Variants in GRIN2C observed in about 807,000 individuals in gnomAD.
The protein encoded by GRIN2C is glutamate ionotropic receptor NMDA type subunit 2C, also known as glutamate receptor ionotropic, NMDA 2C.
A neutral mutation model predicts 77.7 loss-of-function variants in GRIN2C; 64 were observed. That is an observed-to-expected ratio of 0.82 (90% CI 0.67 to 1.01). The LOEUF (loss-of-function observed/expected upper bound fraction) is 1.01. Among genes scored for constraint, GRIN2C ranks in the 50% least tolerant of loss-of-function variants. The probability of loss-of-function intolerance (pLI) is 0.00; values close to 1 mark genes in which losing one functional copy is unlikely to be tolerated. For synonymous variants in GRIN2C, 792 were observed against 643.4 expected (o/e 1.23, Z -3.49); for missense variants, 1,549 against 1,486.0 (o/e 1.04, Z -0.70).
In GRIN2C at chr17:74,842,783, C is replaced by T. The variant is rs980440970; in HGVS notation, c.3354G>A (p.Ala1118=). ...PDGHSACRRL[A]QAQSMCLPIY... is the part of the protein sequence containing the mutation. ...TCGGCAAGCACATCGACTGCGCCTG[C>T]GCCAAGCGCCTGCAGGCCGAGTGGC... Residue 1118 remains alanine (A), a synonymous_variant, in exon 13 of 13, where the codon GCG becomes GCA. Coordinates refer to ENST00000293190, the MANE Select transcript of GRIN2C (RefSeq NM_000835.6). 1.5e-6 allele frequency: 1 copy of T among 656,582 alleles called. No individual in the cohort carries two copies. The highest frequency in any genetic ancestry group is 2.7e-6 in the Non-Finnish European group (1 of 364,210). 40.7% of individuals were successfully genotyped at this position (656,582 alleles called of 1,614,324 possible).
upstream of GRIN2C, among the ~76,000 whole-genome samples, chr17:74,861,078 C>T (rs545487410): frequency 1.3e-5 from 2 of 152,308 alleles, no homozygotes; most frequent in South Asian, 4.1e-4. Context: ...GCCCAGACTC[C>T]CCTGGTCCCG....
chr17:74,844,339 G>C lies in GRIN2C; in HGVS notation c.2520C>G (p.Tyr840Ter), dbSNP rs2037391651. ...LLVFAWEHLV[Y>*]WKLRHSVPNS... ...TGGGCACCGAGTGGCGCAGCTTCCAGTAGACCAGGTGCTCCCAGGCGAAGA... is the reference window on the plus strand; with the variant it reads ...TGGGCACCGAGTGGCGCAGCTTCCACTAGACCAGGTGCTCCCAGGCGAAGA... The change falls in exon 12 of 13, where the codon TAC becomes TAG. Residue 840 changes from tyrosine (Y) to a stop codon, truncating the protein, a stop_gained. Coordinates refer to ENST00000293190, the MANE Select transcript of GRIN2C (RefSeq NM_000835.6). LOFTEE classifies it high-confidence loss of function. 6.2e-7 allele frequency: 1 copy of C among 1,614,150 alleles called. No homozygotes were observed. Among genetic ancestry groups the C allele is most frequent in the Non-Finnish European group, 8.5e-7 (1 of 1,180,040 alleles).
Position 74,846,990 on chromosome 17 carries a change from AC to A in GRIN2C, c.2002-71del. 1 of 1,507,356 alleles carries A rather than the reference AC, an allele frequency of 6.6e-7. No individual in the cohort carries two copies. 93.4% of individuals were successfully genotyped at this position (1,507,356 alleles called of 1,614,324 possible). A position where few individuals can be genotyped will look rare whatever the true frequency, so the allele number is the denominator to read the frequency against. ...TTCCAGGCACCAAAGCCCCAAACCC[AC>A]CCCAGAGCCCAGCCCCAGTGTGGAC... On this transcript the variant is annotated intron_variant, in intron 9 of 12. Transcript: ENST00000293190. This position sits in a 1 kb window ranked among gnomAD's most constrained non-coding sequence, Gnocchi z 4.4.
At chr17:74,848,971 T>C (rs1001882854) in intron 7 of GRIN2C, among the ~76,000 whole-genome samples, 13 of 145,120 alleles carry the variant, frequency 9.0e-5, no homozygotes, top group Admixed American at 1.4e-4. Flanking sequence ...TGAGCCAAGA[T>C]GGCACCACTG....
In GRIN2C at chr17:74,849,015, C is replaced by G. The variant is rs1448236487; in HGVS notation, c.1645+765G>C. ...CCTGGGTGACAGAGGAACACCCTGT[C>G]TCAAAAAAAAAAAGGAAGGAAAGAA... On this transcript the variant is annotated intron_variant, in intron 7 of 12. Coordinates refer to ENST00000293190, the MANE Select transcript of GRIN2C (RefSeq NM_000835.6). This position sits in a 1 kb window ranked among gnomAD's most constrained non-coding sequence, Gnocchi z 4.6. Among the ~76,000 whole-genome samples the G allele has an allele frequency of 3.6e-5, 5 of 138,094 alleles. No homozygotes were observed. Among genetic ancestry groups the G allele is most frequent in the Non-Finnish European group, 7.8e-5 (5 of 64,436 alleles). The allele number at this position is 138,094 out of a possible 152,430, so 90.6% of individuals were successfully genotyped here. A position where few individuals can be genotyped will look rare whatever the true frequency, so the allele number is the denominator to read the frequency against.
Position 74,849,820 on chromosome 17 carries a change from C to T in GRIN2C, c.1605G>A (p.Val535=). 6.2e-7 allele frequency: 1 copy of T among 1,613,034 alleles called. No homozygotes were observed. The highest frequency in any genetic ancestry group is 8.5e-7 in the Non-Finnish European group (1 of 1,179,666). ...GGGAGACGGTGCCATTGCTGCGAGC[C>T]ACCATCACACTGATGCCCGTCTCCA... ...PFVETGISVM[V]ARSNGTVSPS... The change falls in exon 7 of 13, where the codon GTG becomes GTA. Residue 535 remains valine, a synonymous_variant. Transcript: ENST00000293190. This position sits in a 1 kb window ranked among gnomAD's most constrained non-coding sequence, Gnocchi z 4.6.
upstream of GRIN2C, chr17:74,861,280 C>T (rs2144631814): frequency 6.6e-6 from 1 of 152,462 alleles, no homozygotes; most frequent in East Asian, 1.9e-4. Flanking sequence ...CCTCCAGCCG[C>T]CCCCTCCTTG....
chr17:74,849,712 A>C lies in GRIN2C; in HGVS notation c.1645+68T>G, dbSNP rs1485954085. On this transcript the variant is annotated intron_variant, in intron 7 of 12. Transcript: ENST00000293190. This position sits in a 1 kb window ranked among gnomAD's most constrained non-coding sequence, Gnocchi z 4.6. ...CCCACCCAACTCCCCATCCCCACCC[A>C]AGCTGTACACACCCTCCTCGTGGGC... is the stretch of plus-strand genomic sequence containing the variant. 6.9e-7 allele frequency: 1 copy of C among 1,444,376 alleles called. No homozygotes were observed. Among genetic ancestry groups the C allele is most frequent in the Non-Finnish European group, 9.4e-7 (1 of 1,059,460 alleles). 89.5% of individuals were successfully genotyped at this position (1,444,376 alleles called of 1,614,324 possible).
upstream of GRIN2C, among the ~76,000 whole-genome samples, chr17:74,861,181 C>T (rs998950198): frequency 1.3e-5 from 2 of 152,180 alleles, no homozygotes; most frequent in Admixed American, 1.3e-4. Flanking sequence ...CTCTCGCGTC[C>T]GCCGCGCGCC....
At chr17:74,861,201 G>C (rs1444194649), upstream of GRIN2C, among the ~76,000 whole-genome samples, 3 of 152,138 alleles carry the variant, frequency 2.0e-5, no homozygotes, top group Non-Finnish European at 4.4e-5. Context: ...CTGTCTGCTC[G>C]GCCTCTTCTT....
chr17:74,851,889 G>A (rs2037656939), intron 3 of GRIN2C, 124 bp downstream of exon 3: 1 of 743,280 alleles, frequency 1.3e-6, no homozygotes, highest in Non-Finnish European at 2.2e-6. Flanking sequence ...CAGACAGGTG[G>A]GGTAATGTGG....
chr17:74,848,189 G>T (rs536255874), intron 7 of GRIN2C, among the ~76,000 whole-genome samples: 3 of 150,652 alleles, frequency 2.0e-5, no homozygotes, highest in African/African-American at 7.3e-5. Context: ...GTCTCCCCCC[G>T]CCCCCCACTT....
chr17:74,842,540 T>C lies in GRIN2C; in HGVS notation c.3597A>G (p.Arg1199=), dbSNP rs777206594. Residue 1199 remains arginine (R), a synonymous_variant, in exon 13 of 13, where the codon AGA becomes AGG. Coordinates refer to ENST00000293190, the MANE Select transcript of GRIN2C (RefSeq NM_000835.6). ...GRTLGLGTGY[R]DSGGLDEISR... Reference sequence around the variant, plus strand: ...TGATCTCGTCCAGTCCCCCACTGTCTCTGTAGCCTGTGCCCAGCCCCAGAG... The same window carrying C: ...TGATCTCGTCCAGTCCCCCACTGTCCCTGTAGCCTGTGCCCAGCCCCAGAG... 5 of 777,122 alleles carry C rather than the reference T, an allele frequency of 6.4e-6. No homozygotes were observed. Among genetic ancestry groups the C allele is most frequent in the Non-Finnish European group, 1.2e-5 (5 of 417,586 alleles). 48.1% of individuals were successfully genotyped at this position (777,122 alleles called of 1,614,324 possible). A position where few individuals can be genotyped will look rare whatever the true frequency, so the allele number is the denominator to read the frequency against.
Position 74,852,264 on chromosome 17 carries a change from G to T in GRIN2C, c.747C>A (p.Gly249=), listed in dbSNP as rs989972155. 1.4e-6 allele frequency: 2 copies of T among 1,402,686 alleles called. No homozygotes were observed. The highest frequency in any genetic ancestry group is 2.0e-4 in the Middle Eastern group (1 of 4,886). The allele number at this position is 1,402,686 out of a possible 1,614,324, so 86.9% of individuals were successfully genotyped here. The change falls in exon 3 of 13, where the codon GGC becomes GGA. Residue 249 remains glycine, a synonymous_variant. Transcript: ENST00000293190. ...CCAGGTTGGGCACCAGCCACACGTG[G>T]CCGGGCCCCACCAGACCGGCCTGCG... The part of the protein sequence containing the change: ...EAAQAGLVGP[G]HVWLVPNLAL...
Position 74,843,299 on chromosome 17 carries a change from C to T in GRIN2C, c.2838G>A (p.Leu946=). ...PTPRSGPSPC[L]PTPDPPPEPS... is the part of the protein sequence containing the mutation. ...GCTCTGGGGGCGGGTCGGGGGTGGG[C>T]AGGCATGGGCTGGGGCCAGACCGCG... is the stretch of plus-strand genomic sequence containing the variant. The change falls in exon 13 of 13, where the codon CTG becomes CTA. Residue 946 remains leucine (L), a synonymous_variant. Coordinates refer to ENST00000293190, the MANE Select transcript of GRIN2C (RefSeq NM_000835.6). The T allele has an allele frequency of 8.0e-7, 1 of 1,245,564 alleles. No individual in the cohort carries two copies. The highest frequency in any genetic ancestry group is 2.5e-5 in the Admixed American group (1 of 39,870). The allele number at this position is 1,245,564 out of a possible 1,614,324, so 77.2% of individuals were successfully genotyped here. A position where few individuals can be genotyped will look rare whatever the true frequency, so the allele number is the denominator to read the frequency against.
In GRIN2C at chr17:74,846,272, TCA is replaced by T; in HGVS notation, c.2163-21_2163-20del. ...CAGCTTCCTGGGGACAGGCTGAGCC[TCA>T]GAGCTAGGGACCATATGGGAGGGGA... is the stretch of plus-strand genomic sequence containing the variant. On this transcript the variant is annotated intron_variant, in intron 10 of 12. Transcript: ENST00000293190. This position sits in a 1 kb window ranked among gnomAD's most constrained non-coding sequence, Gnocchi z 4.4. The T allele has an allele frequency of 6.2e-7, 1 of 1,612,100 alleles. No homozygotes were observed. The highest frequency in any genetic ancestry group is 8.5e-7 in the Non-Finnish European group (1 of 1,178,348).
chr17:74,850,788 AGCCTGGG>A lies in GRIN2C; in HGVS notation c.1114-28_1114-22del, dbSNP rs769696347. On this transcript the variant is annotated intron_variant, in intron 4 of 12. Coordinates refer to ENST00000293190, the MANE Select transcript of GRIN2C (RefSeq NM_000835.6). The surrounding 1 kb of genome is among the most constrained non-coding windows in gnomAD (Gnocchi z 5.3). ...CCCACCTGTGGAGGGTGACAGCCTC[AGCCTGGG>A]GCCTCCAGCCCTACAGCCCCCACCC... is the stretch of plus-strand genomic sequence containing the variant. 1.9e-5 allele frequency: 30 copies of A among 1,591,966 alleles called. No homozygotes were observed. The South Asian group carries it at 2.9e-4, about 15-fold the overall frequency.
rs1427750532 is a variant in GRIN2C at position 74,854,846 on chromosome 17, C to T, written c.247G>A (p.Gly83Ser). ...TGGACGTGGGCAGCACCCAGGAGGC[C>T]GCAGATCTGGGTGAGGAGGCTGCTG... ...NPSSLLTQICGLLGAAHVHGI... is the reference protein window; with the variant it reads ...NPSSLLTQICSLLGAAHVHGI... The change falls in exon 2 of 13, where the codon GGC (glycine) becomes AGC (serine). Residue 83 changes from glycine to serine, a missense_variant. By Grantham distance (56) the Gly-to-Ser change is moderately conservative. Around this residue, in one of 3 missense-constraint regions of GRIN2C, gnomAD observed 382 missense variants for 360.0 expected, o/e 1.06. Coordinates refer to ENST00000293190, the MANE Select transcript of GRIN2C (RefSeq NM_000835.6). 34 of 1,613,750 alleles carry T rather than the reference C, an allele frequency of 2.1e-5. No homozygotes were observed. The highest frequency in any genetic ancestry group is 1.6e-4 in the Middle Eastern group (1 of 6,068).
upstream of GRIN2C, among the ~76,000 whole-genome samples, chr17:74,860,297 G>A (rs1041851114): frequency 5.3e-5 from 8 of 152,240 alleles, no homozygotes; most frequent in Non-Finnish European, 1.2e-4. Flanking sequence ...CGATTTTCCT[G>A]TGGCCCGGGG....
Sources: allele counts gnomAD v4.1 joint callset (sites outside exome capture counted in the v4.1 genomes callset), GRCh38; gene constraint gnomAD v4.1.1; regional missense constraint gnomAD v4.1.1; non-coding constraint Gnocchi (gnomAD v3.1); transcripts MANE v1.5; gene names NCBI Gene and HGNC (gene_info 2026-07-23, HGNC 2026-07-21).